CDIN1: variants seen among roughly 807,000 people sequenced by gnomAD.
CDIN1 encodes the protein CDAN1-interacting nuclease 1.
A neutral mutation model predicts 45.3 loss-of-function variants in CDIN1; 33 were observed. The ratio of observed to expected loss-of-function variants is 0.73; its 90% CI spans 0.55 to 0.97. The LOEUF (loss-of-function observed/expected upper bound fraction) is 0.97, where lower values mean the gene tolerates loss of function less well. Ranked by LOEUF, CDIN1 falls within the 50% of genes least tolerant of loss-of-function variation. The pLI is 0.00. For missense variants in CDIN1, 303 were observed against 339.4 expected (o/e 0.89, Z 0.84); for synonymous variants, 118 against 124.4 (o/e 0.95, Z 0.34).
intron 1 of CDIN1, among the ~76,000 whole-genome samples, chr15:36,593,788 T>G (rs2037693571): frequency 6.6e-6 from 1 of 152,058 alleles, no homozygotes; most frequent in Non-Finnish European, 1.5e-5. Flanking sequence ...ATGGTCTCGA[T>G]CTCCTGACCT....
chr15:36,682,711 A>C (rs889994276), intron 5 of CDIN1, among the ~76,000 whole-genome samples: 59 of 148,302 alleles, frequency 4.0e-4, no homozygotes, highest in African/African-American at 1.3e-3. Flanking sequence ...TTGAGGCTGC[A>C]GTAAGTTGAG....
At chr15:36,796,436 C>A (rs2054799821) in intron 10 of CDIN1, among the ~76,000 whole-genome samples, 1 of 152,112 alleles carries the variant, frequency 6.6e-6, no homozygotes, top group Non-Finnish European at 1.5e-5. Context: ...TAGGAGGGAA[C>A]CAAATAGAAA....
intron 5 of CDIN1, among the ~76,000 whole-genome samples, chr15:36,659,270 T>C (rs565304907): frequency 6.6e-6 from 1 of 152,356 alleles, no homozygotes; most frequent in African/African-American, 2.4e-5. Context: ...TTTATAACAC[T>C]GGCACATCTT....
At chr15:36,607,002 A>G (rs74616866) in intron 1 of CDIN1, among the ~76,000 whole-genome samples, 2,328 of 152,324 alleles carry the variant, frequency 0.015, 59 homozygotes, top group African/African-American at 0.053. Context: ...ACTCTCTACT[A>G]CCATTTTGGT....
At chr15:36,717,258 A>T (rs1406310780) in intron 10 of CDIN1, among the ~76,000 whole-genome samples, 1 of 152,142 alleles carries the variant, frequency 6.6e-6, no homozygotes, top group African/African-American at 2.4e-5. Flanking sequence ...TGTTACCATG[A>T]TAGAGATAGT....
chr15:36,790,416 C>T (rs1160733291), intron 10 of CDIN1: 1 of 152,132 alleles, frequency 6.6e-6, no homozygotes, highest in African/African-American at 2.4e-5. Flanking sequence ...TTGAGGTGAC[C>T]CAAACATACT....
intron 1 of CDIN1, among the ~76,000 whole-genome samples, chr15:36,612,441 G>A (rs1303446160): frequency 6.6e-6 from 1 of 152,124 alleles, no homozygotes; most frequent in Non-Finnish European, 1.5e-5. Context: ...ATTTGGGATT[G>A]TATTTTCTAT....
At chr15:36,663,874 G>A (rs1049361335) in intron 5 of CDIN1, among the ~76,000 whole-genome samples, 2 of 152,188 alleles carry the variant, frequency 1.3e-5, no homozygotes, top group Non-Finnish European at 2.9e-5. Flanking sequence ...ATGTGTTGTT[G>A]ACCGCAGTTA....
chr15:36,715,263 C>T (rs1156648291), intron 10 of CDIN1, among the ~76,000 whole-genome samples: 1 of 152,124 alleles, frequency 6.6e-6, no homozygotes, highest in East Asian at 1.9e-4. Context: ...TAAGCTAATA[C>T]CTTCTGCCAC....
At chr15:36,613,918 G>C in intron 1 of CDIN1, 1 of 1,549,344 alleles carries the variant, frequency 6.5e-7, no homozygotes. Flanking sequence ...AGCTGAGCTG[G>C]CAGAGCCCCA....
chr15:36,649,743 GC>G (rs2040496945), intron 3 of CDIN1, among the ~76,000 whole-genome samples: 1 of 152,102 alleles, frequency 6.6e-6, no homozygotes, highest in East Asian at 1.9e-4. Flanking sequence ...TAAACAAGTT[GC>G]CCCGGACACC....
At chr15:36,747,500 T>C (rs376691089) in intron 10 of CDIN1, among the ~76,000 whole-genome samples, 3 of 152,120 alleles carry the variant, frequency 2.0e-5, no homozygotes, top group African/African-American at 7.2e-5. Flanking sequence ...GCTTTATGAG[T>C]GTATTTATTA....
intron 10 of CDIN1, among the ~76,000 whole-genome samples, chr15:36,806,276 A>C (rs2055222885): frequency 6.6e-6 from 1 of 152,190 alleles, no homozygotes; most frequent in South Asian, 2.1e-4. Context: ...CTGCCTAGAA[A>C]ATGCCATTTT....
chr15:36,800,736 A>G (rs531367011), intron 10 of CDIN1, among the ~76,000 whole-genome samples: 2 of 151,078 alleles, frequency 1.3e-5, no homozygotes, highest in African/African-American at 4.8e-5. Context: ...TCTTTTTTTG[A>G]TGGTGAAACA....
intron 10 of CDIN1, among the ~76,000 whole-genome samples, chr15:36,779,748 A>G (rs1160426944): frequency 6.6e-6 from 1 of 152,198 alleles, no homozygotes; most frequent in Non-Finnish European, 1.5e-5. Flanking sequence ...TCTGGGCCTC[A>G]GAGACTACAA....
intron 1 of CDIN1, among the ~76,000 whole-genome samples, chr15:36,603,445 G>A (rs1328171378): frequency 6.6e-6 from 1 of 152,150 alleles, no homozygotes; most frequent in East Asian, 1.9e-4. Flanking sequence ...CTTAGAAAGG[G>A]AGACTATAGT....
intron 5 of CDIN1, chr15:36,691,373 T>A: frequency 4.2e-6 from 1 of 235,960 alleles, no homozygotes; most frequent in Non-Finnish European, 8.1e-6. Context: ...ATTTTCTGAT[T>A]TTTTTTTTTT....
intron 10 of CDIN1, among the ~76,000 whole-genome samples, chr15:36,741,697 T>G (rs189855090): frequency 6.6e-6 from 1 of 152,044 alleles, no homozygotes; most frequent in Non-Finnish European, 1.5e-5. Flanking sequence ...TAGAAGGGCT[T>G]CTTCTTCCTG....
intron 10 of CDIN1, 51 bp downstream of exon 10, chr15:36,710,012 T>C: frequency 7.5e-7 from 1 of 1,339,476 alleles, no homozygotes; most frequent in Non-Finnish European, 1.0e-6. Flanking sequence ...AGCTGAAATC[T>C]CATTAGAAAA....
Sources: gnomAD v4.1 joint callset for allele counts (sites outside exome capture counted in the v4.1 genomes callset) on GRCh38, gnomAD v4.1.1 for gene constraint, MANE v1.5 for transcripts, NCBI Gene and HGNC (gene_info 2026-07-23, HGNC 2026-07-21) for gene names.